DNAJC15: variants seen among roughly 807,000 people sequenced by gnomAD.
The protein encoded by DNAJC15 is DnaJ heat shock protein family (Hsp40) member C15.
Under a neutral mutation model 22.4 loss-of-function variants are expected in DNAJC15, and 27 were observed. The ratio of observed to expected loss-of-function variants is 1.20; its 90% CI spans 0.89 to 1.66. DNAJC15 has a LOEUF of 1.66. Among genes scored for constraint, DNAJC15 ranks in the 40% most tolerant of loss-of-function variants. The pLI is 0.00. For synonymous variants in DNAJC15, 79 were observed against 63.2 expected (o/e 1.25, Z -1.19); for missense variants, 208 against 187.1 (o/e 1.11, Z -0.65).
At chr13:43,027,734 G>T (rs1924274) in intron 1 of DNAJC15, among the ~76,000 whole-genome samples, 45,730 of 151,216 alleles carry the variant, frequency 0.3, 6,978 homozygotes, top group African/African-American at 0.36. Context: ...TCGGCTCACT[G>T]CAGCCTCTGC....
At chr13:43,079,286 A>G (rs1174554729) in intron 4 of DNAJC15, among the ~76,000 whole-genome samples, 3 of 152,214 alleles carry the variant, frequency 2.0e-5, no homozygotes, top group African/African-American at 4.8e-5. Context: ...AATTGGTTAC[A>G]GTATGTCATG....
At chr13:43,034,028 CAAA>C (rs568856935) in intron 1 of DNAJC15, among the ~76,000 whole-genome samples, 5 of 108,670 alleles carry the variant, frequency 4.6e-5, no homozygotes, top group African/African-American at 3.1e-5. Flanking sequence ...AACTTCATCT[CAAA>C]AAAAAAAAAA....
chr13:43,084,332 T>C (rs2040677253), intron 4 of DNAJC15, among the ~76,000 whole-genome samples: 1 of 152,220 alleles, frequency 6.6e-6, no homozygotes, highest in South Asian at 2.1e-4. Flanking sequence ...TTACTTATAT[T>C]ATCTAATTTT....
chr13:43,049,936 G>A (rs1260386335), intron 1 of DNAJC15, among the ~76,000 whole-genome samples: 2 of 152,170 alleles, frequency 1.3e-5, no homozygotes, highest in Non-Finnish European at 2.9e-5. Context: ...TTATTTGTTT[G>A]AGACAGAGTC....
intron 5 of DNAJC15, among the ~76,000 whole-genome samples, chr13:43,105,519 G>A (rs563689045): frequency 1.3e-5 from 2 of 152,244 alleles, no homozygotes; most frequent in South Asian, 2.1e-4. Context: ...AGAGTGAGTG[G>A]TAGAGAATTC....
At chr13:43,054,855 T>C (rs2040521743) in intron 1 of DNAJC15, among the ~76,000 whole-genome samples, 1 of 152,138 alleles carries the variant, frequency 6.6e-6, no homozygotes, top group Non-Finnish European at 1.5e-5. Context: ...AGCTCCCTTC[T>C]AACCTCATGC....
chr13:43,071,938 A>C (rs1593321998), intron 3 of DNAJC15, among the ~76,000 whole-genome samples: 1 of 151,994 alleles, frequency 6.6e-6, no homozygotes, highest in African/African-American at 2.4e-5. Flanking sequence ...TTTGTTAAAC[A>C]GTTTGTTTCT....
chr13:43,055,088 T>C (rs1161008852), intron 1 of DNAJC15, among the ~76,000 whole-genome samples: 1 of 42,046 alleles, frequency 2.4e-5, no homozygotes. Flanking sequence ...GAGGTGGGGG[T>C]GGAGACGTCG....
At chr13:43,069,627 C>CA (rs1479290721) in intron 3 of DNAJC15, among the ~76,000 whole-genome samples, 1 of 152,088 alleles carries the variant, frequency 6.6e-6, no homozygotes, top group African/African-American at 2.4e-5. Context: ...CCACTGAAGA[C>CA]AATATAAAGA....
chr13:43,095,557 C>A (rs1339113940), intron 5 of DNAJC15, among the ~76,000 whole-genome samples: 1 of 151,866 alleles, frequency 6.6e-6, no homozygotes, highest in Non-Finnish European at 1.5e-5. Context: ...CTTAAGAGGT[C>A]ATGGAAAGTG....
At chr13:43,056,211 G>A (rs1034961112) in intron 1 of DNAJC15, among the ~76,000 whole-genome samples, 1 of 150,750 alleles carries the variant, frequency 6.6e-6, no homozygotes, top group Non-Finnish European at 1.5e-5. Context: ...AAGTGCAATA[G>A]TGCAATCTCA....
At chr13:43,084,722 A>G (rs2040679125) in intron 4 of DNAJC15, among the ~76,000 whole-genome samples, 1 of 152,218 alleles carries the variant, frequency 6.6e-6, no homozygotes, top group Non-Finnish European at 1.5e-5. Flanking sequence ...AACATTTCCA[A>G]TACTGGATAC....
Position 43,078,127 on chromosome 13 carries a change from C to G in DNAJC15, c.235-485C>G, listed in dbSNP as rs576015276. 1.8e-3 allele frequency among the ~76,000 whole-genome samples: 273 copies of G among 152,282 alleles called. 1 individual carries two copies. The highest frequency in any genetic ancestry group is 3.4e-3 in the Non-Finnish European group (232 of 68,026). On this transcript the variant is annotated intron_variant, in intron 3 of 5. Transcript: ENST00000379221. ...TCCTTTTCTCCTTGTTCACGCCTCT[C>G]CAGCAGCATTGAAACCTTTTAATCC...
intron 5 of DNAJC15, among the ~76,000 whole-genome samples, chr13:43,087,997 T>C (rs2040697325): frequency 6.6e-6 from 1 of 152,214 alleles, no homozygotes; most frequent in Admixed American, 6.5e-5. Flanking sequence ...ACTGCTTTTC[T>C]TAAATTGATG....
At chr13:43,046,158 ATTT>A (rs1242229911) in intron 1 of DNAJC15, among the ~76,000 whole-genome samples, 1 of 141,300 alleles carries the variant, frequency 7.1e-6, no homozygotes, top group Admixed American at 7.0e-5. Context: ...GATTATCTTC[ATTT>A]TTTTTTTTTT....
At chr13:43,099,649 A>C (rs2040757546) in intron 5 of DNAJC15, among the ~76,000 whole-genome samples, 1 of 151,240 alleles carries the variant, frequency 6.6e-6, no homozygotes, top group Non-Finnish European at 1.5e-5. Context: ...CATTATGTGA[A>C]TTTTTTTTTC....
chr13:43,087,378 CTT>C (rs1001184514), intron 5 of DNAJC15, among the ~76,000 whole-genome samples: 7 of 152,158 alleles, frequency 4.6e-5, no homozygotes, highest in Non-Finnish European at 7.4e-5. Flanking sequence ...GAACTTCTCT[CTT>C]TGATGGAGTT....
intron 1 of DNAJC15, among the ~76,000 whole-genome samples, chr13:43,024,566 G>C (rs1485822765): frequency 6.6e-6 from 1 of 151,590 alleles, no homozygotes; most frequent in Admixed American, 6.6e-5. Flanking sequence ...GGATGGTCTC[G>C]ATCTGCTTAC....
chr13:43,090,248 G>C (rs970057499), intron 5 of DNAJC15, among the ~76,000 whole-genome samples: 2 of 152,238 alleles, frequency 1.3e-5, no homozygotes, highest in African/African-American at 4.8e-5. Flanking sequence ...CATCTGCCTT[G>C]TTTTGCATGG....
Sources: allele counts gnomAD v4.1 joint callset (sites outside exome capture counted in the v4.1 genomes callset), GRCh38; gene constraint gnomAD v4.1.1; transcripts MANE v1.5; gene names NCBI Gene and HGNC (gene_info 2026-07-23, HGNC 2026-07-21).